Variants in ZNF516 observed in about 807,000 individuals in gnomAD.
ZNF516 encodes the protein zinc finger protein 516.
In ZNF516, 19 loss-of-function variants were observed where a neutral mutation model predicts 79.7. That is an observed-to-expected ratio of 0.24 (90% CI 0.17 to 0.35). ZNF516 has a LOEUF of 0.35. ZNF516 is among the 10% of genes least tolerant of loss of function. The pLI is 1.00. For synonymous variants in ZNF516, 877 were observed against 739.5 expected, an observed-to-expected ratio of 1.19 and a Z score of -3.02; for missense variants, 1,678 against 1,679.5, an observed-to-expected ratio of 1.00 and a Z score of 0.02.
chr18:76,402,843 A>G (rs1315770048), intron 3 of ZNF516, among the ~76,000 whole-genome samples: 1 of 152,092 alleles, frequency 6.6e-6, no homozygotes, highest in East Asian at 1.9e-4. Context: ...TCGCAGGACC[A>G]CAAGTGATGA....
chr18:76,361,038 T>C lies in ZNF516; in HGVS notation c.*1460A>G, dbSNP rs1192187673. 6 of 151,990 alleles carry C rather than the reference T, an allele frequency of 3.9e-5. No individual in the cohort carries two copies. Among genetic ancestry groups the C allele is most frequent in the Non-Finnish European group, 7.4e-5 (5 of 67,996 alleles). The allele number at this position is 151,990 out of a possible 1,614,324, so 9.4% of individuals were successfully genotyped here. ...CTGTACATGTAAAATTATTGCTTTT[T>C]TGAAAAATATATTTAGCATGCTCGT... On this transcript the variant is annotated 3_prime_UTR_variant, in exon 7 of 7. Transcript: ENST00000443185.
intron 2 of ZNF516, among the ~76,000 whole-genome samples, chr18:76,448,427 T>A (rs1431587502): frequency 6.6e-6 from 1 of 152,206 alleles, no homozygotes; most frequent in African/African-American, 2.4e-5. Flanking sequence ...AAAAGTCACT[T>A]CCTGACACAC....
intron 3 of ZNF516, among the ~76,000 whole-genome samples, chr18:76,401,491 C>T (rs12961648): frequency 0.021 from 3,143 of 152,202 alleles, 46 homozygotes; most frequent in Middle Eastern, 0.044. Context: ...AAGCTGTTTT[C>T]CATCAAGTAC....
intron 1 of ZNF516, among the ~76,000 whole-genome samples, chr18:76,474,818 G>A (rs1157791672): frequency 6.6e-6 from 1 of 152,008 alleles, no homozygotes; most frequent in Admixed American, 6.6e-5. Flanking sequence ...ACAGACAGAA[G>A]GAAAATTTTA....
At chr18:76,364,630 A>AGG (rs576625781) in intron 6 of ZNF516, among the ~76,000 whole-genome samples, 89 of 152,326 alleles carry the variant, frequency 5.8e-4, no homozygotes, top group African/African-American at 2.1e-3. Flanking sequence ...TCTTTTAGTA[A>AGG]GGCAAGGGAA....
rs148621573 is a variant in ZNF516, at chr18:76,362,096, C to T, written c.*402G>A. On this transcript the variant is annotated 3_prime_UTR_variant, in exon 7 of 7. Coordinates refer to ENST00000443185, the MANE Select transcript of ZNF516 (RefSeq NM_014643.4). Reference sequence around the variant, plus strand: ...AGGCCCCTGTGACAGTGCTCAGCCTCGCCACTCTGTCCAACACACACAACA... The same window carrying T: ...AGGCCCCTGTGACAGTGCTCAGCCTTGCCACTCTGTCCAACACACACAACA... 321 of 164,990 alleles carry T rather than the reference C, an allele frequency of 1.9e-3. No homozygotes were observed. Among genetic ancestry groups the T allele is most frequent in the Non-Finnish European group, 3.2e-3 (241 of 75,658 alleles). 10.2% of individuals were successfully genotyped at this position (164,990 alleles called of 1,614,324 possible). A position where few individuals can be genotyped will look rare whatever the true frequency, so the allele number is the denominator to read the frequency against.
chr18:76,369,126 C>A (rs575047212), intron 6 of ZNF516, among the ~76,000 whole-genome samples: 6 of 152,330 alleles, frequency 3.9e-5, no homozygotes, highest in Non-Finnish European at 7.4e-5. Flanking sequence ...CTACATCCCA[C>A]AAACACATCA....
At chr18:76,444,092 A>G (rs753608816) in intron 2 of ZNF516, among the ~76,000 whole-genome samples, 1 of 152,206 alleles carries the variant, frequency 6.6e-6, no homozygotes, top group African/African-American at 2.4e-5. Context: ...AGAGGCCTAC[A>G]TGGTGCAAGG....
rs569119153 is a variant in ZNF516, at chr18:76,358,873, T to C, written c.*3625A>G. 2 of 152,372 alleles carry C rather than the reference T, an allele frequency of 1.3e-5. No individual in the cohort carries two copies. The highest frequency in any genetic ancestry group is 4.8e-5 in the African/African-American group (2 of 41,570). The allele number at this position is 152,372 out of a possible 1,614,324, so 9.4% of individuals were successfully genotyped here. A position where few individuals can be genotyped will look rare whatever the true frequency, so the allele number is the denominator to read the frequency against. On this transcript the variant is annotated 3_prime_UTR_variant, in exon 7 of 7. Transcript: ENST00000443185. ...AGACTAAGCACTACACCCACTTTCTTTGATCCAGAAAGCATCCCTACTGAC... is the reference window on the plus strand; with the variant it reads ...AGACTAAGCACTACACCCACTTTCTCTGATCCAGAAAGCATCCCTACTGAC...
In ZNF516 at chr18:76,442,905, C is replaced by G; in HGVS notation, c.150G>C (p.Ser50=). Residue 50 remains serine (S), a synonymous_variant, in exon 3 of 7, where the codon TCG becomes TCC. Transcript: ENST00000443185. ...GKSFPFQSSL[S]QHMRKHTGEK... is the part of the protein sequence containing the mutation. ...CGCCCGTGTGCTTGCGCATGTGCTGCGAAAGCGAGCTCTGGAAGGGGAAGC... is the reference window on the plus strand; with the variant it reads ...CGCCCGTGTGCTTGCGCATGTGCTGGGAAAGCGAGCTCTGGAAGGGGAAGC... 1 of 1,613,392 alleles carries G rather than the reference C, an allele frequency of 6.2e-7. No homozygotes were observed. Among genetic ancestry groups the G allele is most frequent in the Non-Finnish European group, 8.5e-7 (1 of 1,179,822 alleles).
At chr18:76,446,759 C>CT (rs1912075161) in intron 2 of ZNF516, among the ~76,000 whole-genome samples, 2 of 152,226 alleles carry the variant, frequency 1.3e-5, no homozygotes, top group South Asian at 4.1e-4. Flanking sequence ...TCCTTCTTTC[C>CT]TATTTCCTGC....
intron 6 of ZNF516, among the ~76,000 whole-genome samples, chr18:76,366,999 A>G (rs2074622588): frequency 6.6e-6 from 1 of 152,236 alleles, no homozygotes; most frequent in African/African-American, 2.4e-5. Context: ...AGTCTCTGCC[A>G]GGATCTCTCC....
At chr18:76,475,643 C>T (rs1412513282) in intron 1 of ZNF516, among the ~76,000 whole-genome samples, 3 of 152,176 alleles carry the variant, frequency 2.0e-5, no homozygotes, top group Non-Finnish European at 4.4e-5. Flanking sequence ...CTGGCACACA[C>T]GGGCACCTCC....
Position 76,392,561 on chromosome 18 carries a change from G to C in ZNF516, c.1811-12258C>G, listed in dbSNP as rs546150731. Among the ~76,000 whole-genome samples, 18 of 150,126 alleles carry C rather than the reference G, an allele frequency of 1.2e-4. No homozygotes were observed. In the South Asian group the frequency reaches 3.2e-3, roughly 26 times the overall value. On this transcript the variant is annotated intron_variant, in intron 3 of 6. Transcript: ENST00000443185. Reference sequence around the variant, plus strand: ...TGGATGGGAAGGCAGGTGGCCACGTGGGGGAAAGGTGGATGGGAAGGCAGG... The same window carrying C: ...TGGATGGGAAGGCAGGTGGCCACGTCGGGGAAAGGTGGATGGGAAGGCAGG...
At chr18:76,405,725 G>A (rs1298544362) in intron 3 of ZNF516, among the ~76,000 whole-genome samples, 1 of 152,036 alleles carries the variant, frequency 6.6e-6, no homozygotes, top group Non-Finnish European at 1.5e-5. Context: ...CCCGGTTGGT[G>A]ACTCCGCTGA....
intron 3 of ZNF516, among the ~76,000 whole-genome samples, chr18:76,417,416 G>C (rs1330474007): frequency 6.6e-6 from 1 of 152,172 alleles, no homozygotes; most frequent in East Asian, 1.9e-4. Flanking sequence ...CAATAACGGG[G>C]AAACATCAAT....
chr18:76,363,235 G>C lies in ZNF516; in HGVS notation c.3433-678C>G, dbSNP rs145239406. 5.0e-3 allele frequency among the ~76,000 whole-genome samples: 761 copies of C among 152,350 alleles called. 7 individuals are homozygous for C. Among genetic ancestry groups the C allele is most frequent in the African/African-American group, 0.017 (723 of 41,588 alleles). Reference sequence around the variant, plus strand: ...CATTTACAATCTGAGGACAGAAACAGTATGGCCAGATTAATCTTACTTAAC... The same window carrying C: ...CATTTACAATCTGAGGACAGAAACACTATGGCCAGATTAATCTTACTTAAC... On this transcript the variant is annotated intron_variant, in intron 6 of 6. Coordinates refer to ENST00000443185, the MANE Select transcript of ZNF516 (RefSeq NM_014643.4).
intron 2 of ZNF516, among the ~76,000 whole-genome samples, chr18:76,446,751 C>A (rs993848812): frequency 2.6e-5 from 4 of 152,216 alleles, no homozygotes; most frequent in African/African-American, 7.2e-5. Flanking sequence ...CAAGCTCTTC[C>A]TTCTTTCCTA....
At position 76,457,620 on chromosome 18, in the gene ZNF516, G is replaced by A. The variant is rs529170298; in HGVS notation, c.-158+5408C>T. Among the ~76,000 whole-genome samples the A allele has an allele frequency of 9.8e-5, 15 of 152,320 alleles. 1 individual carries two copies. The South Asian group carries it at 3.1e-3, about 32-fold the overall frequency. ...TGGTCCCAGCTACTCAAGAGGCTGAGGCGGGAAGATCCCTGACGCCGGGGA... is the reference window on the plus strand; with the variant it reads ...TGGTCCCAGCTACTCAAGAGGCTGAAGCGGGAAGATCCCTGACGCCGGGGA... On this transcript the variant is annotated intron_variant, in intron 2 of 6. Transcript: ENST00000443185.
Sources: gnomAD v4.1 joint callset for allele counts (sites outside exome capture counted in the v4.1 genomes callset) on GRCh38, gnomAD v4.1.1 for gene constraint, MANE v1.5 for transcripts, NCBI Gene and HGNC (gene_info 2026-07-23, HGNC 2026-07-21) for gene names.